The following TSPAN32 variants were observed in gnomAD, a reference collection of about 807,000 sequenced individuals.
TSPAN32 encodes the protein tetraspanin-32.
Under a neutral mutation model 42.7 loss-of-function variants are expected in TSPAN32, and 47 were observed. That is an observed-to-expected ratio of 1.10 (90% CI 0.87 to 1.40). The LOEUF (loss-of-function observed/expected upper bound fraction) is 1.40, where lower values mean the gene tolerates loss of function less well. TSPAN32 is among the 40% of genes most tolerant of loss of function. The pLI, the probability that TSPAN32 is intolerant of heterozygous loss-of-function variation, is 0.00. For missense variants in TSPAN32, 469 were observed against 424.1 expected (o/e 1.11, Z -0.93); for synonymous variants, 175 against 175.9 (o/e 0.99, Z 0.04).
At chr11:2,306,547 GAGAGAGAA>G (rs200954652) in intron 3 of TSPAN32, among the ~76,000 whole-genome samples, 3,929 of 149,934 alleles carry the variant, frequency 0.026, 158 homozygotes, top group African/African-American at 0.085. Context: ...GGTGGGGGGA[GAGAGAGAA>G]AGAGAGAAAG....
intron 6 of TSPAN32, chr11:2,314,918 C>A: frequency 2.8e-6 from 1 of 352,854 alleles, no homozygotes; most frequent in African/African-American, 2.1e-5. Context: ...GGAGTGCACC[C>A]ATGAGGGCTC....
chr11:2,315,203 C>T, intron 6 of TSPAN32: 1 of 1,142,010 alleles, frequency 8.8e-7, no homozygotes, highest in Non-Finnish European at 1.1e-6. Flanking sequence ...CTCCCCGCTC[C>T]CCTCCCCTAC....
intron 3 of TSPAN32, among the ~76,000 whole-genome samples, chr11:2,305,378 C>CG (rs74523869): frequency 6.6e-6 from 1 of 151,414 alleles, no homozygotes; most frequent in African/African-American, 2.4e-5. Flanking sequence ...CTGCCCCCCC[C>CG]CCCAGAGGGT....
Position 2,315,450 on chromosome 11 carries a change from G to A in TSPAN32, c.544-779G>A, listed in dbSNP as rs189843546. ...CCAAGGAGAGACTGAAAAGGCCCCC[G>A]ACTGAAAAGCAGGAGCGAGGGCCTG... On this transcript the variant is annotated intron_variant, in intron 6 of 9. Transcript: ENST00000182290. The A allele has an allele frequency of 1.5e-5, 17 of 1,131,602 alleles. No homozygotes were observed. In the East Asian group the frequency reaches 2.1e-4, roughly 14 times the overall value. The allele number at this position is 1,131,602 out of a possible 1,614,324, so 70.1% of individuals were successfully genotyped here.
rs554395460 is a variant in TSPAN32 at position 2,313,712 on chromosome 11, C to T, written c.413C>T (p.Thr138Met). 2.6e-5 allele frequency: 42 copies of T among 1,607,650 alleles called. No homozygotes were observed. The highest frequency in any genetic ancestry group is 1.3e-4 in the Admixed American group (8 of 59,494). Residue 138 changes from threonine to methionine, a missense_variant, in exon 5 of 10, where the codon ACG becomes ATG. Coordinates refer to ENST00000182290, the MANE Select transcript of TSPAN32 (RefSeq NM_139022.3). This position sits in a 1 kb window ranked among gnomAD's most constrained non-coding sequence, Gnocchi z 9.1. The stretch of plus-strand genomic sequence containing the variant: ...GTATATGAGCAGGCGATGAAAGGTA[C>T]GTCCCACGTCCGGCGGCAGGAGCTG... Reference protein sequence around the residue: ...DLVYEQAMKGTSHVRRQELAA... With the variant: ...DLVYEQAMKGMSHVRRQELAA...
chr11:2,315,581 T>C, intron 6 of TSPAN32: 1 of 1,176,424 alleles, frequency 8.5e-7, no homozygotes, highest in South Asian at 1.6e-5. Flanking sequence ...CCAGATGGGC[T>C]GGCATGGGCG....
Position 2,316,623 on chromosome 11 carries a change from T to G in TSPAN32, c.675T>G (p.Cys225Trp). 6.5e-7 allele frequency: 1 copy of G among 1,548,044 alleles called. No homozygotes were observed. Among genetic ancestry groups the G allele is most frequent in the Non-Finnish European group, 8.7e-7 (1 of 1,145,026 alleles). The change falls in exon 8 of 10, where the codon TGT (cysteine) becomes TGG (tryptophan). Residue 225 changes from cysteine to tryptophan, a missense_variant. By Grantham distance (215) the Cys-to-Trp change is radical. Coordinates refer to ENST00000182290, the MANE Select transcript of TSPAN32 (RefSeq NM_139022.3). ...CCTTCCTGTGGTTTGCCATCCGCTGTGGCTGCAGCTTGGACCGCAAGGGCA... is the reference window on the plus strand; with the variant it reads ...CCTTCCTGTGGTTTGCCATCCGCTGGGGCTGCAGCTTGGACCGCAAGGGCA... ...FSSFLWFAIRCGCSLDRKGKY... is the reference protein window; with the variant it reads ...FSSFLWFAIRWGCSLDRKGKY...
rs115570256 is a variant in TSPAN32, at chr11:2,313,965, A to C, written c.456+210A>C. Among the ~76,000 whole-genome samples the C allele has an allele frequency of 0.028, 4,292 of 152,192 alleles. 178 individuals carry two copies. The highest frequency in any genetic ancestry group is 0.09 in the African/African-American group (3,753 of 41,512). On this transcript the variant is annotated intron_variant, in intron 5 of 9. Transcript: ENST00000182290. The surrounding 1 kb of genome is among the most constrained non-coding windows in gnomAD (Gnocchi z 9.1). ...GCCGCCTACCAGATTCTCGAGGCCC[A>C]GTGCAAAACGAGAGGGCAGGGCCCT...
intron 6 of TSPAN32, 186 bp downstream of exon 6, chr11:2,314,757 C>T (rs998573761): frequency 6.7e-6 from 4 of 596,846 alleles, no homozygotes; most frequent in African/African-American, 3.7e-5. Context: ...GTTCATGGTA[C>T]GCCAAGCCCA....
At chr11:2,306,031 C>T (rs983553055) in intron 3 of TSPAN32, among the ~76,000 whole-genome samples, 12 of 99,762 alleles carry the variant, frequency 1.2e-4, no homozygotes, top group Non-Finnish European at 2.0e-4. Context: ...TGTGTGTGTG[C>T]GTGTGCAGGT....
rs1400690434 is a variant in TSPAN32, at chr11:2,315,924, C to T, written c.544-305C>T. 2.0e-6 allele frequency: 3 copies of T among 1,502,802 alleles called. No individual in the cohort carries two copies. In the East Asian group the frequency reaches 8.1e-5, roughly 40 times the overall value. 93.1% of individuals were successfully genotyped at this position (1,502,802 alleles called of 1,614,324 possible). On this transcript the variant is annotated intron_variant, in intron 6 of 9. Coordinates refer to ENST00000182290, the MANE Select transcript of TSPAN32 (RefSeq NM_139022.3). ...GGAACCCAGAGTGAATTCGAAGTGGCCCGGCCCAGGGGAGCCAACGTGTGG... is the reference window on the plus strand; with the variant it reads ...GGAACCCAGAGTGAATTCGAAGTGGTCCGGCCCAGGGGAGCCAACGTGTGG...
rs550873371 is a variant in TSPAN32, at chr11:2,312,593, C to T, written c.355-1061C>T. Among the ~76,000 whole-genome samples the T allele has an allele frequency of 7.9e-5, 12 of 152,312 alleles. No homozygotes were observed. In the South Asian group the frequency reaches 1.9e-3, roughly 24 times the overall value. ...GCCTCCAGGCTTGGGCAGGGCTGAC[C>T]GAGAGCCTCCACTGCCCACTGCCCG... On this transcript the variant is annotated intron_variant, in intron 4 of 9. Coordinates refer to ENST00000182290, the MANE Select transcript of TSPAN32 (RefSeq NM_139022.3).
At chr11:2,309,007 G>A (rs1848306363) in intron 4 of TSPAN32, among the ~76,000 whole-genome samples, 197 bp downstream of exon 4, 1 of 151,978 alleles carries the variant, frequency 6.6e-6, no homozygotes, top group African/African-American at 2.4e-5. Context: ...GTGGGTGAGG[G>A]CCAGCAGCTC....
intron 3 of TSPAN32, among the ~76,000 whole-genome samples, chr11:2,308,397 C>T (rs552985102): frequency 4.2e-5 from 6 of 144,236 alleles, no homozygotes; most frequent in South Asian, 2.2e-4. Context: ...CCCCCACCCC[C>T]GCAGTGACCA....
chr11:2,309,689 A>C (rs74048246), intron 4 of TSPAN32, among the ~76,000 whole-genome samples: 2,836 of 152,328 alleles, frequency 0.019, 71 homozygotes, highest in African/African-American at 0.056. Flanking sequence ...AGGCTTGGCC[A>C]TGAGAGATAC....
At chr11:2,302,448 C>T (rs964163405) in intron 1 of TSPAN32, among the ~76,000 whole-genome samples, 3 of 152,088 alleles carry the variant, frequency 2.0e-5, no homozygotes, top group Non-Finnish European at 4.4e-5. Context: ...CTGGAGGAGG[C>T]CTGAGTGGGG....
In TSPAN32 at chr11:2,314,934, C is replaced by T. The variant is rs183746146; in HGVS notation, c.543+363C>T. 4.7e-3 allele frequency: 1,537 copies of T among 330,504 alleles called. 8 individuals carry two copies. The highest frequency in any genetic ancestry group is 6.5e-3 in the Non-Finnish European group (1,129 of 172,422). 20.5% of individuals were successfully genotyped at this position (330,504 alleles called of 1,614,324 possible). The stretch of plus-strand genomic sequence containing the variant: ...GAGTGCACCCATGAGGGCTCTGTGC[C>T]AAGGGCTGCAGGGCTGGTGTGGTGG... On this transcript the variant is annotated intron_variant, in intron 6 of 9. Coordinates refer to ENST00000182290, the MANE Select transcript of TSPAN32 (RefSeq NM_139022.3).
At position 2,308,927 on chromosome 11, in the gene TSPAN32, CG is replaced by C. The variant is rs1022627287; in HGVS notation, c.354+120del. On this transcript the variant is annotated intron_variant, in intron 4 of 9. Coordinates refer to ENST00000182290, the MANE Select transcript of TSPAN32 (RefSeq NM_139022.3). ...CCCCAGCTTCCAGGCTTGTGCTGAC[CG>C]GGTGGGGTGGGGGAGACCGCAGCCT... is the stretch of plus-strand genomic sequence containing the variant. 101 of 728,432 alleles carry C rather than the reference CG, an allele frequency of 1.4e-4. No homozygotes were observed. The African/African-American group carries it at 1.6e-3, about 12-fold the overall frequency. The allele number at this position is 728,432 out of a possible 1,614,324, so 45.1% of individuals were successfully genotyped here.
chr11:2,310,054 G>A (rs1338953871), intron 4 of TSPAN32: 1 of 152,466 alleles, frequency 6.6e-6, no homozygotes, highest in Non-Finnish European at 1.5e-5. Flanking sequence ...ACTGGCACAG[G>A]AGTCTTACCA....
Sources: allele counts gnomAD v4.1 joint callset (sites outside exome capture counted in the v4.1 genomes callset), GRCh38; gene constraint gnomAD v4.1.1; non-coding constraint Gnocchi (gnomAD v3.1); transcripts MANE v1.5; gene names NCBI Gene and HGNC (gene_info 2026-07-23, HGNC 2026-07-21).